RHEX: variants seen among roughly 807,000 people sequenced by gnomAD.
RHEX encodes the protein regulator of hemoglobinization and erythroid cell expansion.
In RHEX, 18 loss-of-function variants were observed where a neutral mutation model predicts 20.1. The observed-to-expected ratio is 0.90, with a 90% confidence interval of 0.62 to 1.33. RHEX has a LOEUF of 1.33. Among genes scored for constraint, RHEX ranks in the 40% most tolerant of loss-of-function variants. RHEX has a pLI of 0.00. For missense variants in RHEX, 192 were observed against 214.3 expected (o/e 0.90, Z 0.65); for synonymous variants, 87 against 77.1 (o/e 1.13, Z -0.67).
At chr1:206,085,871 T>A (rs1418605734) in intron 1 of RHEX, among the ~76,000 whole-genome samples, 4 of 152,214 alleles carry the variant, frequency 2.6e-5, no homozygotes, top group African/African-American at 9.6e-5. Flanking sequence ...GTTGTTGAAC[T>A]GGAATGTTCA....
At chr1:206,087,622 T>C (rs1460812040) in intron 1 of RHEX, among the ~76,000 whole-genome samples, 1 of 152,214 alleles carries the variant, frequency 6.6e-6, no homozygotes, top group African/African-American at 2.4e-5. Context: ...CATGGACCAC[T>C]CGATAAATAT....
chr1:206,102,114 C>T lies in RHEX; in HGVS notation c.*162C>T. 1.5e-6 allele frequency: 1 copy of T among 671,232 alleles called. No individual in the cohort carries two copies. The highest frequency in any genetic ancestry group is 2.6e-6 in the Non-Finnish European group (1 of 384,032). The allele number at this position is 671,232 out of a possible 1,614,324, so 41.6% of individuals were successfully genotyped here. The stretch of plus-strand genomic sequence containing the variant: ...GAAAACTGATAAATACACAGAGGTC[C>T]TCAAGACCCATGGACTCCTGGTCTG... On this transcript the variant is annotated 3_prime_UTR_variant, in exon 6 of 6. Transcript: ENST00000331555.
intron 1 of RHEX, among the ~76,000 whole-genome samples, chr1:206,075,703 C>T (rs1391425483): frequency 2.6e-5 from 4 of 151,668 alleles, no homozygotes; most frequent in African/African-American, 9.7e-5. Flanking sequence ...TGGGTTCAAG[C>T]GATTCTCCTG....
intron 1 of RHEX, among the ~76,000 whole-genome samples, chr1:206,075,382 A>C (rs1662619006): frequency 6.6e-6 from 1 of 152,224 alleles, no homozygotes; most frequent in Non-Finnish European, 1.5e-5. Flanking sequence ...TATGTCACTT[A>C]ATGGTATGCT....
Position 206,095,975 on chromosome 1 carries a change from G to A in RHEX, c.-96-1758G>A, listed in dbSNP as rs139795559. 8.6e-4 allele frequency among the ~76,000 whole-genome samples: 131 copies of A among 152,020 alleles called. 1 individual carries two copies. In the Middle Eastern group the frequency reaches 0.044, roughly 51 times the overall value. On this transcript the variant is annotated intron_variant, in intron 1 of 5. Coordinates refer to ENST00000331555, the MANE Select transcript of RHEX (RefSeq NM_001007544.4). ...CCTGAGTAGCTGAGACTATAGGCAC[G>A]TGCCAGGCACACCTAGCTAATTTTT...
At chr1:206,093,404 A>G (rs940929471) in intron 1 of RHEX, among the ~76,000 whole-genome samples, 9 of 151,632 alleles carry the variant, frequency 5.9e-5, no homozygotes, top group Non-Finnish European at 1.3e-4. Flanking sequence ...TCGAGTAGCT[A>G]GGATTACAGG....
intron 1 of RHEX, among the ~76,000 whole-genome samples, chr1:206,063,626 G>A (rs904517004): frequency 6.6e-6 from 1 of 152,274 alleles, no homozygotes; most frequent in Non-Finnish European, 1.5e-5. Context: ...GCTCCTAACC[G>A]TGAGTCATCC....
At chr1:206,069,208 G>A (rs1294809166) in intron 1 of RHEX, among the ~76,000 whole-genome samples, 1 of 152,176 alleles carries the variant, frequency 6.6e-6, no homozygotes, top group African/African-American at 2.4e-5. Flanking sequence ...GTCACACCTG[G>A]GTGGGGAACA....
chr1:206,087,941 C>A (rs1280836660), intron 1 of RHEX, among the ~76,000 whole-genome samples: 1 of 152,076 alleles, frequency 6.6e-6, no homozygotes, highest in Non-Finnish European at 1.5e-5. Context: ...ATGTTGTACA[C>A]AATAAATATG....
At chr1:206,054,330 A>G (rs1214216853) in intron 1 of RHEX, among the ~76,000 whole-genome samples, 4 of 152,260 alleles carry the variant, frequency 2.6e-5, no homozygotes, top group African/African-American at 9.6e-5. Context: ...AATGTTGTAT[A>G]ATTTAAAAGT....
At chr1:206,073,775 A>G (rs1282887158) in intron 1 of RHEX, among the ~76,000 whole-genome samples, 1 of 151,964 alleles carries the variant, frequency 6.6e-6, no homozygotes, top group Non-Finnish European at 1.5e-5. Context: ...AAATCCTATC[A>G]TTTCTACCTC....
In RHEX at chr1:206,097,807, A is replaced by T. The variant is rs1303851946; in HGVS notation, c.-22A>T. On this transcript the variant is annotated 5_prime_UTR_variant, in exon 2 of 6. Transcript: ENST00000331555. ...GGTTCCTGAAAGTGCCTGAGCCCCA[A>T]CTTATCAGCAAGGAGCTCATCATGC... 6.2e-7 allele frequency: 1 copy of T among 1,613,824 alleles called. No homozygotes were observed. Among genetic ancestry groups the T allele is most frequent in the Non-Finnish European group, 8.5e-7 (1 of 1,179,820 alleles).
chr1:206,081,329 A>G (rs1553285875), intron 1 of RHEX, among the ~76,000 whole-genome samples: 2 of 152,266 alleles, frequency 1.3e-5, no homozygotes, highest in Non-Finnish European at 2.9e-5. Context: ...ACAGACTTCA[A>G]TAATTCTGAC....
At chr1:206,089,202 A>G (rs1185969040) in intron 1 of RHEX, among the ~76,000 whole-genome samples, 2 of 152,118 alleles carry the variant, frequency 1.3e-5, no homozygotes, top group East Asian at 1.9e-4. Flanking sequence ...TCTAAATAGA[A>G]AATGGGTTAA....
At chr1:206,096,762 CCT>C (rs1334406150) in intron 1 of RHEX, among the ~76,000 whole-genome samples, 23 of 146,612 alleles carry the variant, frequency 1.6e-4, no homozygotes, top group African/African-American at 5.7e-4. Context: ...GCACAAGTCC[CCT>C]GTTTTTTTTT....
At chr1:206,082,720 C>A (rs1369772855) in intron 1 of RHEX, among the ~76,000 whole-genome samples, 1 of 152,106 alleles carries the variant, frequency 6.6e-6, no homozygotes, top group Non-Finnish European at 1.5e-5. Context: ...TCCCAAGTCA[C>A]CCAGTTGCCA....
chr1:206,074,434 C>G (rs1662593956), intron 1 of RHEX, among the ~76,000 whole-genome samples: 1 of 152,222 alleles, frequency 6.6e-6, no homozygotes, highest in Non-Finnish European at 1.5e-5. Flanking sequence ...GGATGGCATA[C>G]TGGCCATCAT....
At chr1:206,081,237 T>G (rs896105453) in intron 1 of RHEX, among the ~76,000 whole-genome samples, 1 of 152,160 alleles carries the variant, frequency 6.6e-6, no homozygotes, top group African/African-American at 2.4e-5. Context: ...CTTAATTCAC[T>G]CATTTATCCA....
chr1:206,080,254 A>G (rs1553285697), intron 1 of RHEX: 1 of 152,218 alleles, frequency 6.6e-6, no homozygotes, highest in Non-Finnish European at 1.5e-5. Flanking sequence ...AAAATTCCCC[A>G]ATCCTATTTC....
Sources: allele counts gnomAD v4.1 joint callset (sites outside exome capture counted in the v4.1 genomes callset), GRCh38; gene constraint gnomAD v4.1.1; transcripts MANE v1.5; gene names NCBI Gene and HGNC (gene_info 2026-07-23, HGNC 2026-07-21).